CSMD1: variants seen among roughly 807,000 people sequenced by gnomAD.
CSMD1 encodes CUB and sushi domain-containing protein 1.
A neutral mutation model predicts 417.5 loss-of-function variants in CSMD1; 213 were observed. That is an observed-to-expected ratio of 0.51 (90% CI 0.46 to 0.57). The LOEUF is 0.57. Ranked by LOEUF, CSMD1 falls within the 20% of genes least tolerant of loss-of-function variation. The pLI, the probability that CSMD1 is intolerant of heterozygous loss-of-function variation, is 0.00. For missense variants in CSMD1, 6,923 were observed against 4,529.7 expected (o/e 1.53, Z -15.17); for synonymous variants, 2,862 against 1,736.8 (o/e 1.65, Z -16.11).
chr8:4,935,688 T>C (rs1346683838), intron 1 of CSMD1, among the ~76,000 whole-genome samples: 1 of 152,184 alleles, frequency 6.6e-6, no homozygotes, highest in African/African-American at 2.4e-5. Context: ...TTACATATTT[T>C]TAGTTCTTGT....
chr8:3,971,464 G>T (rs766196041), intron 5 of CSMD1, among the ~76,000 whole-genome samples: 1 of 152,084 alleles, frequency 6.6e-6, no homozygotes, highest in East Asian at 1.9e-4. Flanking sequence ...TAATGCAATT[G>T]CAAGTTGACA....
chr8:4,472,608 C>T (rs1224165629), intron 2 of CSMD1, among the ~76,000 whole-genome samples: 1 of 151,876 alleles, frequency 6.6e-6, no homozygotes, highest in Non-Finnish European at 1.5e-5. Flanking sequence ...AAATATTTAA[C>T]AAGATATTCT....
chr8:3,801,400 C>T (rs981168990), intron 5 of CSMD1, among the ~76,000 whole-genome samples: 1 of 152,026 alleles, frequency 6.6e-6, no homozygotes, highest in African/African-American at 2.4e-5. Context: ...AAATTTAAAA[C>T]CACAGTGAGA....
intron 2 of CSMD1, among the ~76,000 whole-genome samples, chr8:4,523,518 T>G (rs562082468): frequency 6.6e-6 from 1 of 152,218 alleles, no homozygotes; most frequent in South Asian, 2.1e-4. Context: ...CTAGTTTTCC[T>G]TCTCTCTCAC....
chr8:3,291,190 G>T (rs1563232280), intron 25 of CSMD1, among the ~76,000 whole-genome samples: 1 of 152,128 alleles, frequency 6.6e-6, no homozygotes, highest in Admixed American at 6.6e-5. Context: ...TGATCATTGT[G>T]GATAAACTTT....
intron 1 of CSMD1, among the ~76,000 whole-genome samples, chr8:4,887,213 T>A (rs576035732): frequency 1.3e-5 from 2 of 152,226 alleles, no homozygotes; most frequent in East Asian, 3.9e-4. Flanking sequence ...ATAATTTACA[T>A]TGTGATTATT....
chr8:4,177,282 A>C (rs1798104885), intron 3 of CSMD1, among the ~76,000 whole-genome samples: 1 of 152,182 alleles, frequency 6.6e-6, no homozygotes, highest in South Asian at 2.1e-4. Context: ...AAACTCACTC[A>C]AAACCGCTCA....
intron 2 of CSMD1, among the ~76,000 whole-genome samples, chr8:4,534,493 G>A (rs539295553): frequency 1.3e-5 from 2 of 152,112 alleles, no homozygotes; most frequent in South Asian, 4.1e-4. Context: ...TTCAGATACA[G>A]CGGGGTACAG....
intron 62 of CSMD1, 110 bp from the exon 63 acceptor site, chr8:2,957,917 G>C: frequency 1.4e-6 from 1 of 713,368 alleles, no homozygotes; most frequent in Non-Finnish European, 2.5e-6. Context: ...CAACTTTTCA[G>C]GTTAATGTCA....
intron 57 of CSMD1, among the ~76,000 whole-genome samples, chr8:2,971,565 A>G (rs771936499): frequency 3.3e-5 from 5 of 152,120 alleles, no homozygotes; most frequent in Non-Finnish European, 5.9e-5. Context: ...ATAGAACATC[A>G]CCTTGTTAAA....
intron 5 of CSMD1, among the ~76,000 whole-genome samples, chr8:3,755,932 G>T (rs1037639684): frequency 2.4e-4 from 36 of 151,952 alleles, no homozygotes; most frequent in African/African-American, 8.7e-4. Flanking sequence ...TTATTTTTCT[G>T]GTGAGATTAT....
intron 10 of CSMD1, among the ~76,000 whole-genome samples, chr8:3,542,139 C>A (rs888112479): frequency 2.6e-5 from 4 of 152,166 alleles, no homozygotes; most frequent in African/African-American, 7.2e-5. Context: ...CTATGGAAAT[C>A]CCTTTAAAGT....
intron 1 of CSMD1, among the ~76,000 whole-genome samples, chr8:4,818,807 A>C (rs1317272170): frequency 2.0e-5 from 3 of 152,226 alleles, no homozygotes; most frequent in Non-Finnish European, 4.4e-5. Context: ...TTTTCATTTC[A>C]TTAGAGACTC....
intron 1 of CSMD1, among the ~76,000 whole-genome samples, chr8:4,824,802 G>A (rs1006505440): frequency 2.6e-5 from 4 of 152,084 alleles, no homozygotes; most frequent in South Asian, 2.1e-4. Flanking sequence ...TAATGTACTC[G>A]GAGGAAATGA....
intron 26 of CSMD1, among the ~76,000 whole-genome samples, chr8:3,262,630 G>A (rs1295073696): frequency 6.6e-6 from 1 of 152,004 alleles, no homozygotes; most frequent in Admixed American, 6.6e-5. Context: ...GGAAGCACAG[G>A]TATTAAAGTA....
At chr8:4,857,322 C>A (rs1338909874) in intron 1 of CSMD1, among the ~76,000 whole-genome samples, 3 of 149,358 alleles carry the variant, frequency 2.0e-5, no homozygotes, top group African/African-American at 7.4e-5. Flanking sequence ...CAGGAAAGAT[C>A]CAAAATTGAC....
chr8:4,568,466 C>A (rs1348907232), intron 2 of CSMD1, among the ~76,000 whole-genome samples: 1 of 152,118 alleles, frequency 6.6e-6, no homozygotes, highest in Non-Finnish European at 1.5e-5. Context: ...TTTTTTATGG[C>A]TGCATAGTAT....
At chr8:4,855,161 C>T (rs1801720520) in intron 1 of CSMD1, among the ~76,000 whole-genome samples, 2 of 150,870 alleles carry the variant, frequency 1.3e-5, no homozygotes, top group East Asian at 2.2e-4. Flanking sequence ...CACACTGACA[C>T]CTCACACGGC....
chr8:3,871,842 C>G (rs569574088), intron 5 of CSMD1, among the ~76,000 whole-genome samples: 88 of 152,222 alleles, frequency 5.8e-4, no homozygotes, highest in South Asian at 1.2e-3. Flanking sequence ...ACACAATTAG[C>G]TTGTGAGCCA....
Sources: allele counts gnomAD v4.1 joint callset (sites outside exome capture counted in the v4.1 genomes callset), GRCh38; gene constraint gnomAD v4.1.1; transcripts MANE v1.5; gene names NCBI Gene and HGNC (gene_info 2026-07-23, HGNC 2026-07-21).